The following TNIP2 variants were observed in gnomAD, a reference collection of about 807,000 sequenced individuals.
The protein encoded by TNIP2 is TNFAIP3-interacting protein 2.
A neutral mutation model predicts 43.7 loss-of-function variants in TNIP2; 30 were observed. That is an observed-to-expected ratio of 0.69 (90% CI 0.51 to 0.93). TNIP2 has a LOEUF of 0.93. TNIP2 is among the 40% of genes least tolerant of loss of function. The probability of loss-of-function intolerance (pLI) is 0.00; values close to 1 mark genes in which losing one functional copy is unlikely to be tolerated. For synonymous variants in TNIP2, 260 were observed against 254.6 expected, an observed-to-expected ratio of 1.02 and a Z score of -0.20; for missense variants, 599 against 591.0, an observed-to-expected ratio of 1.01 and a Z score of -0.14.
Position 2,755,846 on chromosome 4 carries a change from G to C in TNIP2, c.276+168C>G, listed in dbSNP as rs551965131. ...GGACCCGGCACCCCCTCAACTCCCA[G>C]GACCTGGTGCTCCCCCAACCCCTCA... On this transcript the variant is annotated intron_variant, in intron 1 of 5. Transcript: ENST00000315423. 32 of 644,864 alleles carry C rather than the reference G, an allele frequency of 5.0e-5. No homozygotes were observed. The African/African-American group carries it at 7.4e-4, about 15-fold the overall frequency. 39.9% of individuals were successfully genotyped at this position (644,864 alleles called of 1,614,324 possible). A position where few individuals can be genotyped will look rare whatever the true frequency, so the allele number is the denominator to read the frequency against.
At chr4:2,748,002 C>A in intron 1 of TNIP2, 57 bp from the exon 2 acceptor site, 1 of 1,567,600 alleles carries the variant, frequency 6.4e-7, no homozygotes, top group Admixed American at 1.7e-5. Flanking sequence ...GTGTCAAGAG[C>A]AAATGTTCAG....
chr4:2,742,520 C>G lies in TNIP2; in HGVS notation c.1027G>C (p.Asp343His). 1.3e-6 allele frequency: 2 copies of G among 1,578,800 alleles called. No homozygotes were observed. Among genetic ancestry groups the G allele is most frequent in the Non-Finnish European group, 1.7e-6 (2 of 1,157,996 alleles). The change falls in exon 6 of 6, where the codon GAT becomes CAT. Residue 343 changes from aspartate (D) to histidine (H), a missense_variant and splice_region_variant. Coordinates refer to ENST00000315423, the MANE Select transcript of TNIP2 (RefSeq NM_024309.4). ...CGGCCGGCGTCTGGCTCTCGAGAATCCTGGAGAAAAGGCAAGGGTGTATAT... is the reference window on the plus strand; with the variant it reads ...CGGCCGGCGTCTGGCTCTCGAGAATGCTGGAGAAAAGGCAAGGGTGTATAT... ...SLLHQVSWRQ[D>H]SREPDAGRIH...
Position 2,756,266 on chromosome 4 carries a change from G to T in TNIP2, c.24C>A (p.Gly8=). The change falls in exon 1 of 6, where the codon GGC becomes GGA. Residue 8 remains glycine (G), a synonymous_variant. Transcript: ENST00000315423. MSRDPGS[G]GWEEAPRAAA... is the part of the protein sequence containing the mutation. Reference sequence around the variant, plus strand: ...CTGCGCGCGGGGCCTCCTCCCAGCCGCCCGACCCCGGGTCCCGGGACATGG... The same window carrying T: ...CTGCGCGCGGGGCCTCCTCCCAGCCTCCCGACCCCGGGTCCCGGGACATGG... 3 of 1,426,664 alleles carry T rather than the reference G, an allele frequency of 2.1e-6. No individual in the cohort carries two copies. The highest frequency in any genetic ancestry group is 2.7e-6 in the Non-Finnish European group (3 of 1,094,070). The allele number at this position is 1,426,664 out of a possible 1,614,324, so 88.4% of individuals were successfully genotyped here.
rs1370681385 is a variant in TNIP2, at chr4:2,742,029, T to G, written c.*228A>C. 1.8e-5 allele frequency: 7 copies of G among 399,416 alleles called. No homozygotes were observed. The highest frequency in any genetic ancestry group is 1.8e-5 in the Non-Finnish European group (4 of 228,036). The allele number at this position is 399,416 out of a possible 1,614,324, so 24.7% of individuals were successfully genotyped here. A position where few individuals can be genotyped will look rare whatever the true frequency, so the allele number is the denominator to read the frequency against. On this transcript the variant is annotated 3_prime_UTR_variant, in exon 6 of 6. Transcript: ENST00000315423. ...GACTGGGACCTCCCTCTGCCAGATG[T>G]TCCTGACCCCATCTCCACCTCCAGC...
Position 2,743,945 on chromosome 4 carries a change from C to T in TNIP2, c.1026+442G>A, listed in dbSNP as rs565448021. Among the ~76,000 whole-genome samples the T allele has an allele frequency of 1.0e-3, 154 of 152,314 alleles. 1 individual carries two copies. In the South Asian group the frequency reaches 0.029, roughly 29 times the overall value. ...AGCCCAGGGGTGGGGTGAGGGGCCC[C>T]TGCCCTGCAAGGCCCAGCTCCACGT... On this transcript the variant is annotated intron_variant, in intron 5 of 5. Transcript: ENST00000315423.
chr4:2,742,148 G>A lies in TNIP2; in HGVS notation c.*109C>T, dbSNP rs2109474849. On this transcript the variant is annotated 3_prime_UTR_variant, in exon 6 of 6. Transcript: ENST00000315423. The stretch of plus-strand genomic sequence containing the variant: ...CAGAGTGCCCCGCAACTATTCTAGG[G>A]GCCTTGGCTCTCAGTAGAGCTCAAC... The A allele has an allele frequency of 8.9e-7, 1 of 1,122,408 alleles. No individual in the cohort carries two copies. Among genetic ancestry groups the A allele is most frequent in the Non-Finnish European group, 1.2e-6 (1 of 851,118 alleles). The allele number at this position is 1,122,408 out of a possible 1,614,324, so 69.5% of individuals were successfully genotyped here. A position where few individuals can be genotyped will look rare whatever the true frequency, so the allele number is the denominator to read the frequency against.
rs757812075 is a variant in TNIP2, at chr4:2,744,690, C to T, written c.906+7G>A. 14 of 1,599,272 alleles carry T rather than the reference C, an allele frequency of 8.8e-6. No individual in the cohort carries two copies. Among genetic ancestry groups the T allele is most frequent in the Non-Finnish European group, 1.2e-5 (14 of 1,177,590 alleles). On this transcript the variant is annotated splice_region_variant and intron_variant, in intron 4 of 5. Coordinates refer to ENST00000315423, the MANE Select transcript of TNIP2 (RefSeq NM_024309.4). This position sits in a 1 kb window ranked among gnomAD's most constrained non-coding sequence, Gnocchi z 5.1. The stretch of plus-strand genomic sequence containing the variant: ...TCAGTGCCGTCCGGAGCCCGAGGGA[C>T]AGACACCTGCTGTTCCAGCATCTGC...
Position 2,756,179 on chromosome 4 carries a change from C to G in TNIP2, c.111G>C (p.Gln37His). 1 of 1,478,330 alleles carries G rather than the reference C, an allele frequency of 6.8e-7. No individual in the cohort carries two copies. Among genetic ancestry groups the G allele is most frequent in the Middle Eastern group, 2.3e-4 (1 of 4,370 alleles). 91.6% of individuals were successfully genotyped at this position (1,478,330 alleles called of 1,614,324 possible). The change falls in exon 1 of 6, where the codon CAG becomes CAC. Residue 37 changes from glutamine to histidine, a missense_variant. Coordinates refer to ENST00000315423, the MANE Select transcript of TNIP2 (RefSeq NM_024309.4). ...CGATGAGGGCGTCGCGGGCAGCGAG[C>G]TGGTCCTGCAGGCGGCGCAGCCGCT... is the stretch of plus-strand genomic sequence containing the variant. Reference protein sequence around the residue: ...AGQRLRRLQDQLAARDALIAR... With the variant: ...AGQRLRRLQDHLAARDALIAR...
intron 5 of TNIP2, 134 bp from the exon 6 acceptor site, chr4:2,742,654 G>T: frequency 1.1e-6 from 1 of 932,486 alleles, no homozygotes; most frequent in Non-Finnish European, 1.5e-6. Context: ...TTCCTGCTGC[G>T]CCCCAGAGCC....
chr4:2,745,786 T>C (rs1721933875), intron 2 of TNIP2, among the ~76,000 whole-genome samples: 1 of 152,270 alleles, frequency 6.6e-6, no homozygotes, highest in African/African-American at 2.4e-5. Context: ...ACTGTCCTTA[T>C]CCCGTCCCAC....
In TNIP2 at chr4:2,744,298, C is replaced by T. The variant is rs1721877067; in HGVS notation, c.1026+89G>A. On this transcript the variant is annotated intron_variant, in intron 5 of 5. Coordinates refer to ENST00000315423, the MANE Select transcript of TNIP2 (RefSeq NM_024309.4). This position sits in a 1 kb window ranked among gnomAD's most constrained non-coding sequence, Gnocchi z 5.1. ...ACCCTCATCACCAGCAAATCAGGGCCTTGGCAGACACAGAAAGGCTCTAAT... is the reference window on the plus strand; with the variant it reads ...ACCCTCATCACCAGCAAATCAGGGCTTTGGCAGACACAGAAAGGCTCTAAT... The T allele has an allele frequency of 1.9e-6, 3 of 1,548,210 alleles. No homozygotes were observed. Among genetic ancestry groups the T allele is most frequent in the African/African-American group, 1.4e-5 (1 of 73,068 alleles).
At position 2,747,847 on chromosome 4, in the gene TNIP2, C is replaced by G. The variant is rs776882019; in HGVS notation, c.375G>C (p.Leu125=). Residue 125 remains leucine, a synonymous_variant, in exon 2 of 6, where the codon CTG becomes CTC. Coordinates refer to ENST00000315423, the MANE Select transcript of TNIP2 (RefSeq NM_024309.4). ...CCCCTTCTGCCATGCTCCTCCGTAGCAGGACGACTTCCTTCTCTCGCTCGT... is the reference window on the plus strand; with the variant it reads ...CCCCTTCTGCCATGCTCCTCCGTAGGAGGACGACTTCCTTCTCTCGCTCGT... ...PQHEREKEVV[L]LRRSMAEGER... 5.0e-6 allele frequency: 8 copies of G among 1,613,702 alleles called. No individual in the cohort carries two copies. In the African/African-American group the frequency reaches 1.1e-4, roughly 22 times the overall value.
At chr4:2,754,265 C>G (rs536066048) in intron 1 of TNIP2, among the ~76,000 whole-genome samples, 4 of 152,312 alleles carry the variant, frequency 2.6e-5, no homozygotes, top group Non-Finnish European at 5.9e-5. Flanking sequence ...ATAATAGATG[C>G]CAGAGCTCAC....
At chr4:2,754,517 T>C (rs575782651) in intron 1 of TNIP2, among the ~76,000 whole-genome samples, 62 of 152,140 alleles carry the variant, frequency 4.1e-4, no homozygotes, top group East Asian at 1.6e-3. Context: ...CCCGGGTTCA[T>C]GCCATTCTCC....
intron 2 of TNIP2, among the ~76,000 whole-genome samples, chr4:2,746,661 A>C (rs1326601906): frequency 6.6e-6 from 1 of 152,232 alleles, no homozygotes; most frequent in African/African-American, 2.4e-5. Flanking sequence ...AGAACATCCC[A>C]GCGCGTGTGT....
intron 1 of TNIP2, among the ~76,000 whole-genome samples, chr4:2,750,675 TC>T (rs1428703051): frequency 7.1e-6 from 1 of 140,424 alleles, no homozygotes; most frequent in African/African-American, 2.5e-5. Context: ...AAACCTGACT[TC>T]TGGTTTTTTT....
intron 5 of TNIP2, among the ~76,000 whole-genome samples, chr4:2,743,397 C>T (rs1382352232): frequency 6.6e-6 from 1 of 152,184 alleles, no homozygotes; most frequent in Middle Eastern, 3.2e-3. Flanking sequence ...CACGATTGTA[C>T]CAATAGTGCT....
At position 2,742,143 on chromosome 4, in the gene TNIP2, C is replaced by T. The variant is rs760001212; in HGVS notation, c.*114G>A. 1.7e-5 allele frequency: 19 copies of T among 1,098,602 alleles called. No individual in the cohort carries two copies. The highest frequency in any genetic ancestry group is 2.2e-5 in the Non-Finnish European group (18 of 830,526). The allele number at this position is 1,098,602 out of a possible 1,614,324, so 68.1% of individuals were successfully genotyped here. On this transcript the variant is annotated 3_prime_UTR_variant, in exon 6 of 6. Transcript: ENST00000315423. ...ACGATCAGAGTGCCCCGCAACTATT[C>T]TAGGGGCCTTGGCTCTCAGTAGAGC...
chr4:2,744,258 G>A lies in TNIP2; in HGVS notation c.1026+129C>T, dbSNP rs1721876248. ...GCCAGGTGGCTCTCCCCACAGCAGGGAGGGGCTCGCCACAACCCTCATCAC... is the reference window on the plus strand; with the variant it reads ...GCCAGGTGGCTCTCCCCACAGCAGGAAGGGGCTCGCCACAACCCTCATCAC... On this transcript the variant is annotated intron_variant, in intron 5 of 5. Coordinates refer to ENST00000315423, the MANE Select transcript of TNIP2 (RefSeq NM_024309.4). This position sits in a 1 kb window ranked among gnomAD's most constrained non-coding sequence, Gnocchi z 5.1. The A allele has an allele frequency of 4.1e-6, 5 of 1,233,074 alleles. No individual in the cohort carries two copies. The South Asian group carries it at 7.3e-5, about 18-fold the overall frequency. 76.4% of individuals were successfully genotyped at this position (1,233,074 alleles called of 1,614,324 possible). A position where few individuals can be genotyped will look rare whatever the true frequency, so the allele number is the denominator to read the frequency against.
Sources: gnomAD v4.1 joint callset for allele counts (sites outside exome capture counted in the v4.1 genomes callset) on GRCh38, gnomAD v4.1.1 for gene constraint, Gnocchi (gnomAD v3.1) non-coding constraint, MANE v1.5 for transcripts, NCBI Gene and HGNC (gene_info 2026-07-23, HGNC 2026-07-21) for gene names.